Variants in SSTR4 observed in about 807,000 individuals in gnomAD.
SSTR4 encodes somatostatin receptor type 4.
For missense variants in SSTR4, 649 were observed against 540.6 expected (o/e 1.20, Z -1.99); for synonymous variants, 272 against 246.3 (o/e 1.10, Z -0.98).
In SSTR4 at chr20:23,035,675, C is replaced by G. The variant is rs1568661587; in HGVS notation, c.192C>G (p.Gly64=). 1 of 1,545,540 alleles carries G rather than the reference C, an allele frequency of 6.5e-7. No homozygotes were observed. Among genetic ancestry groups the G allele is most frequent in the Non-Finnish European group, 8.7e-7 (1 of 1,146,672 alleles). The part of the protein sequence containing the change: ...YALVCLVGLV[G]NALVIFVILR... ...TGGTGTGCCTGGTGGGGCTGGTGGG[C>G]AACGCCCTGGTCATCTTCGTGATCC... Residue 64 remains glycine (G), a synonymous_variant, in exon 1 of 1, where the codon GGC becomes GGG. Coordinates refer to ENST00000255008, the MANE Select transcript of SSTR4 (RefSeq NM_001052.4).
chr20:23,036,398 C>A lies in SSTR4; in HGVS notation c.915C>A (p.Cys305Ter), dbSNP rs1391570637. The A allele has an allele frequency of 1.9e-6, 3 of 1,614,140 alleles. No homozygotes were observed. Among genetic ancestry groups the A allele is most frequent in the Non-Finnish European group, 1.7e-6 (2 of 1,180,006 alleles). ...TTATCCTTAGCTATGCCAACAGCTG[C>A]GCCAACCCCATTCTCTATGGCTTCC... ...VSLILSYANS[C>*]ANPILYGFLS... Residue 305 changes from cysteine (C) to a stop codon, truncating the protein, a stop_gained, in exon 1 of 1, where the codon TGC becomes TGA. Coordinates refer to ENST00000255008, the MANE Select transcript of SSTR4 (RefSeq NM_001052.4). LOFTEE classifies it low-confidence loss of function (END_TRUNC).
chr20:23,036,095 C>G lies in SSTR4; in HGVS notation c.612C>G (p.His204Gln). The change falls in exon 1 of 1, where the codon CAC (histidine) becomes CAG (glutamine). Residue 204 changes from histidine (H) to glutamine (Q), a missense_variant. Transcript: ENST00000255008. ...TGGCCTGCAACCTGCAGTGGCCACA[C>G]CCGGCCTGGTCGGCAGTCTTCGTGG... ...QAVACNLQWP[H>Q]PAWSAVFVVY... 3.1e-6 allele frequency: 5 copies of G among 1,600,528 alleles called. No individual in the cohort carries two copies. The highest frequency in any genetic ancestry group is 3.4e-6 in the Non-Finnish European group (4 of 1,179,080).
Position 23,035,729 on chromosome 20 carries a change from C to T in SSTR4, c.246C>T (p.Thr82=). 10 of 1,575,192 alleles carry T rather than the reference C, an allele frequency of 6.3e-6. No individual in the cohort carries two copies. The highest frequency in any genetic ancestry group is 8.6e-6 in the Non-Finnish European group (10 of 1,161,634). The stretch of plus-strand genomic sequence containing the variant: ...GCTACGCCAAGATGAAGACGGCTAC[C>T]AACATCTACCTGCTCAACCTGGCCG... ...ILRYAKMKTA[T]NIYLLNLAVA... The change falls in exon 1 of 1, where the codon ACC becomes ACT. Residue 82 remains threonine (T), a synonymous_variant. Coordinates refer to ENST00000255008, the MANE Select transcript of SSTR4 (RefSeq NM_001052.4).
chr20:23,036,107 G>T lies in SSTR4; in HGVS notation c.624G>T (p.Ser208=). Residue 208 remains serine (S), a synonymous_variant, in exon 1 of 1, where the codon TCG becomes TCT. Coordinates refer to ENST00000255008, the MANE Select transcript of SSTR4 (RefSeq NM_001052.4). ...TGCAGTGGCCACACCCGGCCTGGTC[G>T]GCAGTCTTCGTGGTCTACACTTTCC... ...CNLQWPHPAW[S]AVFVVYTFLL... is the part of the protein sequence containing the mutation. 2 of 1,602,252 alleles carry T rather than the reference G, an allele frequency of 1.2e-6. No individual in the cohort carries two copies. Among genetic ancestry groups the T allele is most frequent in the South Asian group, 2.2e-5 (2 of 90,960 alleles).
chr20:23,035,741 G>C lies in SSTR4; in HGVS notation c.258G>C (p.Leu86=), dbSNP rs1195293104. Residue 86 remains leucine (L), a synonymous_variant, in exon 1 of 1, where the codon CTG becomes CTC. Coordinates refer to ENST00000255008, the MANE Select transcript of SSTR4 (RefSeq NM_001052.4). ...TGAAGACGGCTACCAACATCTACCT[G>C]CTCAACCTGGCCGTAGCCGACGAGC... ...AKMKTATNIY[L]LNLAVADELF... 6 of 1,586,412 alleles carry C rather than the reference G, an allele frequency of 3.8e-6. No homozygotes were observed. Among genetic ancestry groups the C allele is most frequent in the Non-Finnish European group, 5.1e-6 (6 of 1,166,554 alleles).
At position 23,035,749 on chromosome 20, in the gene SSTR4, T is replaced by C; in HGVS notation, c.266T>C (p.Leu89Pro). 2 of 1,589,216 alleles carry C rather than the reference T, an allele frequency of 1.3e-6. No homozygotes were observed. The highest frequency in any genetic ancestry group is 4.5e-5 in the East Asian group (2 of 44,506). ...KTATNIYLLN[L>P]AVADELFMLS... ...GCTACCAACATCTACCTGCTCAACC[T>C]GGCCGTAGCCGACGAGCTCTTCATG... Residue 89 changes from leucine to proline, a missense_variant, in exon 1 of 1, where the codon CTG becomes CCG. Leu to Pro is a moderately conservative substitution (Grantham distance 98, BLOSUM62 -3). Transcript: ENST00000255008.
In SSTR4 at chr20:23,035,941, G is replaced by A. The variant is rs542657849; in HGVS notation, c.458G>A (p.Arg153His). ...DRYVAVVHPL[R>H]AATYRRPSVA... is the part of the protein sequence containing the mutation. ...TACGTGGCCGTGGTGCACCCTCTGC[G>A]CGCGGCGACCTACCGGCGGCCCAGC... Residue 153 changes from arginine to histidine, a missense_variant, in exon 1 of 1, where the codon CGC becomes CAC. Physicochemically the swap from Arg to His is conservative, Grantham distance 29. Coordinates refer to ENST00000255008, the MANE Select transcript of SSTR4 (RefSeq NM_001052.4). 5.0e-6 allele frequency: 8 copies of A among 1,611,472 alleles called. No individual in the cohort carries two copies. The Admixed American group carries it at 8.4e-5, about 17-fold the overall frequency.
Position 23,036,905 on chromosome 20 carries a change from A to C in SSTR4, c.*255A>C. Reference sequence around the variant, plus strand: ...GGGCTAGGATATTAATCATTCCTGAACCTCTGGCTGTTCTTCAAGGGCTGG... The same window carrying C: ...GGGCTAGGATATTAATCATTCCTGACCCTCTGGCTGTTCTTCAAGGGCTGG... On this transcript the variant is annotated 3_prime_UTR_variant, in exon 1 of 1. Coordinates refer to ENST00000255008, the MANE Select transcript of SSTR4 (RefSeq NM_001052.4). The C allele has an allele frequency of 2.3e-6, 1 of 440,450 alleles. No homozygotes were observed. The highest frequency in any genetic ancestry group is 7.6e-5 in the South Asian group (1 of 13,174). The allele number at this position is 440,450 out of a possible 1,614,324, so 27.3% of individuals were successfully genotyped here.
chr20:23,035,790 G>A lies in SSTR4; in HGVS notation c.307G>A (p.Val103Met), dbSNP rs770559332. 9.4e-6 allele frequency: 15 copies of A among 1,593,776 alleles called. No individual in the cohort carries two copies. The highest frequency in any genetic ancestry group is 1.7e-5 in the Admixed American group (1 of 57,700). ...DELFMLSVPF[V>M]ASSAALRHWP... Reference sequence around the variant, plus strand: ...GCTCTTCATGCTGAGCGTGCCCTTCGTGGCCTCGTCGGCCGCCCTGCGCCA... The same window carrying A: ...GCTCTTCATGCTGAGCGTGCCCTTCATGGCCTCGTCGGCCGCCCTGCGCCA... Residue 103 changes from valine to methionine, a missense_variant, in exon 1 of 1, where the codon GTG becomes ATG. Transcript: ENST00000255008.
At position 23,036,634 on chromosome 20, in the gene SSTR4, G is replaced by C; in HGVS notation, c.1151G>C (p.Arg384Thr). 1 of 1,549,288 alleles carries C rather than the reference G, an allele frequency of 6.5e-7. No individual in the cohort carries two copies. Among genetic ancestry groups the C allele is most frequent in the Non-Finnish European group, 8.7e-7 (1 of 1,149,174 alleles). ...GGCCGCAAGCGCATCCCCCTCACCA[G>C]GACCACCACCTTCTGAGGAGCCCTT... ...EPGRKRIPLT[R>T]TTTF is the part of the protein sequence containing the mutation. The change falls in exon 1 of 1, where the codon AGG becomes ACG. Residue 384 changes from arginine to threonine, a missense_variant. Physicochemically the swap from Arg to Thr is moderately conservative, Grantham distance 71 (BLOSUM62 -1). Transcript: ENST00000255008.
Position 23,036,738 on chromosome 20 carries a change from C to A in SSTR4, c.*88C>A. The A allele has an allele frequency of 7.1e-7, 1 of 1,404,952 alleles. No homozygotes were observed. The highest frequency in any genetic ancestry group is 9.6e-7 in the Non-Finnish European group (1 of 1,037,194). The allele number at this position is 1,404,952 out of a possible 1,614,324, so 87.0% of individuals were successfully genotyped here. ...CCCCGAAGACTGCATCTCCTGAATG[C>A]TCACCTAAGCTCCACCACCTGTTCC... On this transcript the variant is annotated 3_prime_UTR_variant, in exon 1 of 1. Coordinates refer to ENST00000255008, the MANE Select transcript of SSTR4 (RefSeq NM_001052.4).
Position 23,036,146 on chromosome 20 carries a change from G to A in SSTR4, c.663G>A (p.Leu221=). 1.2e-6 allele frequency: 2 copies of A among 1,607,738 alleles called. No homozygotes were observed. Among genetic ancestry groups the A allele is most frequent in the Non-Finnish European group, 8.5e-7 (1 of 1,179,764 alleles). ...FVVYTFLLGF[L]LPVLAIGLCY... is the part of the protein sequence containing the mutation. ...TCTACACTTTCCTGCTGGGCTTCCT[G>A]CTGCCCGTGCTGGCCATTGGCCTGT... Residue 221 remains leucine, a synonymous_variant, in exon 1 of 1, where the codon CTG becomes CTA. Transcript: ENST00000255008.
Position 23,035,373 on chromosome 20 carries a change from G to T in SSTR4, c.-111G>T. On this transcript the variant is annotated 5_prime_UTR_variant, in exon 1 of 1. Coordinates refer to ENST00000255008, the MANE Select transcript of SSTR4 (RefSeq NM_001052.4). Reference sequence around the variant, plus strand: ...TGCCCGCAGCTCTTCAGCGTAGCCGGGAAGAGCCGCGCGTCTGCGCGCCAG... The same window carrying T: ...TGCCCGCAGCTCTTCAGCGTAGCCGTGAAGAGCCGCGCGTCTGCGCGCCAG... 1 of 846,666 alleles carries T rather than the reference G, an allele frequency of 1.2e-6. No individual in the cohort carries two copies. The highest frequency in any genetic ancestry group is 1.8e-5 in the African/African-American group (1 of 56,392). 52.4% of individuals were successfully genotyped at this position (846,666 alleles called of 1,614,324 possible).
rs1022138928 is a variant in SSTR4 at position 23,035,588 on chromosome 20, G to A, written c.105G>A (p.Ala35=). Residue 35 remains alanine, a synonymous_variant, in exon 1 of 1, where the codon GCG becomes GCA. Transcript: ENST00000255008. The stretch of plus-strand genomic sequence containing the variant: ...GCGCTCCGGCGGAGGCGGAGGAGGC[G>A]GTGGCGGGGCCCGGGGACGCGCGGG... ...ASSAPAEAEE[A]VAGPGDARAA... is the part of the protein sequence containing the mutation. The A allele has an allele frequency of 8.3e-6, 13 of 1,569,102 alleles. No homozygotes were observed. The highest frequency in any genetic ancestry group is 2.8e-5 in the African/African-American group (2 of 72,610).
chr20:23,036,446 C>T lies in SSTR4; in HGVS notation c.963C>T (p.Phe321=), dbSNP rs1984327194. ...YGFLSDNFRR[F]FQRVLCLRCC... ...TCCTCTCCGACAACTTCCGCCGATT[C>T]TTCCAGCGGGTTCTCTGCCTGCGCT... is the stretch of plus-strand genomic sequence containing the variant. The change falls in exon 1 of 1, where the codon TTC becomes TTT. Residue 321 remains phenylalanine (F), a synonymous_variant. Transcript: ENST00000255008. The T allele has an allele frequency of 6.2e-7, 1 of 1,613,822 alleles. No individual in the cohort carries two copies. Among genetic ancestry groups the T allele is most frequent in the Non-Finnish European group, 8.5e-7 (1 of 1,179,856 alleles).
chr20:23,036,588 G>A lies in SSTR4; in HGVS notation c.1105G>A (p.Glu369Lys). ...GTGCCCCCCACTCCCCTGCCAGCAG[G>A]AAGCCCTGCAACCAGAACCCGGCCG... Reference protein sequence around the residue: ...CMCPPLPCQQEALQPEPGRKR... With the variant: ...CMCPPLPCQQKALQPEPGRKR... The change falls in exon 1 of 1, where the codon GAA (glutamate) becomes AAA (lysine). Residue 369 changes from glutamate to lysine, a missense_variant. Glu to Lys is a moderately conservative substitution (Grantham distance 56). Transcript: ENST00000255008. 6.3e-7 allele frequency: 1 copy of A among 1,594,242 alleles called. No homozygotes were observed. Among genetic ancestry groups the A allele is most frequent in the Non-Finnish European group, 8.5e-7 (1 of 1,170,782 alleles).
chr20:23,038,164 C>T lies in SSTR4; in HGVS notation c.*1514C>T, dbSNP rs1304541908. 1 of 152,200 alleles carries T rather than the reference C, an allele frequency of 6.6e-6. No homozygotes were observed. The highest frequency in any genetic ancestry group is 2.4e-5 in the African/African-American group (1 of 41,468). The allele number at this position is 152,200 out of a possible 1,614,324, so 9.4% of individuals were successfully genotyped here. On this transcript the variant is annotated 3_prime_UTR_variant, in exon 1 of 1. Coordinates refer to ENST00000255008, the MANE Select transcript of SSTR4 (RefSeq NM_001052.4). ...GAAGTCAGTCTCCATGTCTGTGGGT[C>T]TCGTGTAACCATAACTACTTGGAGT...
In SSTR4 at chr20:23,035,862, G is replaced by T; in HGVS notation, c.379G>T (p.Gly127Cys). The T allele has an allele frequency of 6.2e-7, 1 of 1,609,780 alleles. No individual in the cohort carries two copies. Among genetic ancestry groups the T allele is most frequent in the Non-Finnish European group, 8.5e-7 (1 of 1,177,988 alleles). ...GTGCCGCGCGGTGCTCAGCGTCGAC[G>T]GCCTCAACATGTTCACCAGCGTCTT... ...VLCRAVLSVD[G>C]LNMFTSVFCL... The change falls in exon 1 of 1, where the codon GGC (glycine) becomes TGC (cysteine). Residue 127 changes from glycine (G) to cysteine (C), a missense_variant. Transcript: ENST00000255008.
Position 23,035,868 on chromosome 20 carries a change from A to G in SSTR4, c.385A>G (p.Asn129Asp). The change falls in exon 1 of 1, where the codon AAC becomes GAC. Residue 129 changes from asparagine (N) to aspartate (D), a missense_variant. Coordinates refer to ENST00000255008, the MANE Select transcript of SSTR4 (RefSeq NM_001052.4). The part of the protein sequence containing the change: ...CRAVLSVDGL[N>D]MFTSVFCLTV... ...CGCGGTGCTCAGCGTCGACGGCCTC[A>G]ACATGTTCACCAGCGTCTTCTGTCT... is the stretch of plus-strand genomic sequence containing the variant. 6.2e-7 allele frequency: 1 copy of G among 1,611,806 alleles called. No individual in the cohort carries two copies. The highest frequency in any genetic ancestry group is 8.5e-7 in the Non-Finnish European group (1 of 1,178,922).
Sources: allele counts gnomAD v4.1 joint callset, GRCh38; gene constraint gnomAD v4.1.1; transcripts MANE v1.5; gene names NCBI Gene and HGNC (gene_info 2026-07-23, HGNC 2026-07-21).